Variants in DCC observed in about 807,000 individuals in gnomAD.
DCC encodes DCC netrin 1 receptor.
In DCC, 58 loss-of-function variants were observed where a neutral mutation model predicts 172.5. The ratio of observed to expected loss-of-function variants is 0.34; its 90% CI spans 0.27 to 0.42. The LOEUF (loss-of-function observed/expected upper bound fraction) is 0.42, where lower values mean the gene tolerates loss of function less well. Among genes scored for constraint, DCC ranks in the 10% least tolerant of loss-of-function variants. The probability of loss-of-function intolerance (pLI) is 1.00; values close to 1 mark genes in which losing one functional copy is unlikely to be tolerated. For synonymous variants in DCC, 709 were observed against 644.5 expected (o/e 1.10, Z -1.52); for missense variants, 1,740 against 1,791.0 (o/e 0.97, Z 0.51).
At chr18:52,514,768 A>C (rs1330666605) in intron 1 of DCC, among the ~76,000 whole-genome samples, 2 of 152,264 alleles carry the variant, frequency 1.3e-5, no homozygotes, top group Admixed American at 1.3e-4. Flanking sequence ...TGAGAAGATC[A>C]AAGCTATATG....
intron 2 of DCC, among the ~76,000 whole-genome samples, chr18:52,774,021 G>A (rs4940211): frequency 0.34 from 52,149 of 151,976 alleles, 11,020 homozygotes; most frequent in East Asian, 0.7. Flanking sequence ...CCAAATTGTT[G>A]TGGGGCCTGG....
intron 10 of DCC, among the ~76,000 whole-genome samples, chr18:53,205,657 T>A (rs2055613633): frequency 6.6e-6 from 1 of 152,198 alleles, no homozygotes; most frequent in African/African-American, 2.4e-5. Context: ...ACCAGATTTG[T>A]ATTAACTCAC....
intron 25 of DCC, among the ~76,000 whole-genome samples, chr18:53,473,892 C>T (rs1910132): frequency 0.3 from 46,300 of 152,026 alleles, 7,183 homozygotes; most frequent in East Asian, 0.41. Flanking sequence ...CTGCTTGATC[C>T]ATCTACTCTA....
intron 14 of DCC, among the ~76,000 whole-genome samples, chr18:53,332,992 T>C (rs962799872): frequency 5.3e-5 from 8 of 150,830 alleles, no homozygotes; most frequent in Non-Finnish European, 1.0e-4. Context: ...ATCACTTGAG[T>C]CCTAGAGGTC....
At chr18:52,516,456 T>G (rs2031644412) in intron 1 of DCC, among the ~76,000 whole-genome samples, 1 of 152,320 alleles carries the variant, frequency 6.6e-6, no homozygotes, top group East Asian at 1.9e-4. Flanking sequence ...TATTTGTGTG[T>G]GATACTTTAT....
chr18:52,818,421 A>G (rs2038343208), intron 2 of DCC, among the ~76,000 whole-genome samples: 1 of 137,588 alleles, frequency 7.3e-6, no homozygotes, highest in African/African-American at 2.5e-5. Flanking sequence ...CAAAAAGTAA[A>G]AAAAAAAAAA....
chr18:52,990,874 A>G (rs965143451), intron 5 of DCC, among the ~76,000 whole-genome samples: 7 of 152,180 alleles, frequency 4.6e-5, no homozygotes, highest in African/African-American at 7.2e-5. Context: ...GGTTTAACGA[A>G]CATCTTTACA....
At chr18:53,088,353 C>T (rs1018188618) in intron 7 of DCC, among the ~76,000 whole-genome samples, 150 of 152,232 alleles carry the variant, frequency 9.9e-4, no homozygotes, top group African/African-American at 3.5e-3. Flanking sequence ...GTATTTCATT[C>T]CCTTTGAAGC....
chr18:52,841,410 C>G (rs1391431936), intron 2 of DCC, among the ~76,000 whole-genome samples: 1 of 151,970 alleles, frequency 6.6e-6, no homozygotes, highest in Non-Finnish European at 1.5e-5. Flanking sequence ...GCAGCTGAAA[C>G]TTTTTAAACT....
intron 12 of DCC, among the ~76,000 whole-genome samples, chr18:53,240,038 A>AAAAAC: frequency 7.1e-6 from 1 of 141,046 alleles, no homozygotes; most frequent in African/African-American, 2.5e-5. Context: ...AAAAAAAAAA[A>AAAAAC]AAAAAAAAAA....
chr18:53,436,802 C>G (rs984157363), intron 22 of DCC, among the ~76,000 whole-genome samples: 15 of 152,226 alleles, frequency 9.9e-5, no homozygotes, highest in Admixed American at 8.5e-4. Flanking sequence ...TTATAAACAA[C>G]AGAAATTTAT....
At chr18:53,095,199 G>C (rs901713764) in intron 7 of DCC, among the ~76,000 whole-genome samples, 1 of 152,108 alleles carries the variant, frequency 6.6e-6, no homozygotes, top group African/African-American at 2.4e-5. Context: ...TATTCCAATT[G>C]TTATTGCCAG....
intron 1 of DCC, among the ~76,000 whole-genome samples, chr18:52,599,299 G>C (rs1406753618): frequency 1.3e-5 from 2 of 152,082 alleles, no homozygotes; most frequent in African/African-American, 4.8e-5. Context: ...CTAAAAACCA[G>C]GGGTCGAAAA....
chr18:52,437,133 T>C (rs932485683), intron 1 of DCC, among the ~76,000 whole-genome samples: 2 of 152,184 alleles, frequency 1.3e-5, no homozygotes, highest in African/African-American at 4.8e-5. Flanking sequence ...GGCATTACTT[T>C]TTAAAATATA....
At chr18:53,395,922 C>G (rs567537068) in intron 17 of DCC, among the ~76,000 whole-genome samples, 2 of 152,158 alleles carry the variant, frequency 1.3e-5, no homozygotes, top group Non-Finnish European at 2.9e-5. Context: ...GGATTACAGG[C>G]GTGAGCCACA....
At chr18:53,076,803 G>A (rs1285826523) in intron 7 of DCC, among the ~76,000 whole-genome samples, 1 of 152,152 alleles carries the variant, frequency 6.6e-6, no homozygotes, top group Non-Finnish European at 1.5e-5. Flanking sequence ...TTAAGGAATA[G>A]TGATTTGTTG....
At chr18:52,810,086 AAAAT>A (rs1044645001) in intron 2 of DCC, among the ~76,000 whole-genome samples, 50 of 151,888 alleles carry the variant, frequency 3.3e-4, no homozygotes, top group African/African-American at 1.2e-3. Flanking sequence ...ACCAAAAAAA[AAAAT>A]ATATTCTCAA....
chr18:52,937,435 T>C (rs1220217599), intron 5 of DCC, among the ~76,000 whole-genome samples: 1 of 152,188 alleles, frequency 6.6e-6, no homozygotes. Context: ...GTTCCCATTT[T>C]CCACTGTAAG....
intron 7 of DCC, among the ~76,000 whole-genome samples, chr18:53,151,889 T>G (rs2054646863): frequency 6.6e-6 from 1 of 152,142 alleles, no homozygotes; most frequent in African/African-American, 2.4e-5. Flanking sequence ...TTTTGATAAT[T>G]TTATGAAATA....
Sources: allele counts gnomAD v4.1 joint callset (sites outside exome capture counted in the v4.1 genomes callset), GRCh38; gene constraint gnomAD v4.1.1; transcripts MANE v1.5; gene names NCBI Gene and HGNC (gene_info 2026-07-23, HGNC 2026-07-21).